Variants in APP observed in about 807,000 individuals in gnomAD.
APP encodes amyloid-beta precursor protein.
Under a neutral mutation model 101.4 loss-of-function variants are expected in APP, and 31 were observed. The ratio of observed to expected loss-of-function variants is 0.31; its 90% confidence interval spans 0.23 to 0.41. APP has a LOEUF of 0.41. Among genes scored for constraint, APP ranks in the 10% least tolerant of loss-of-function variants. The pLI is 1.00. For missense variants in APP, 839 were observed against 1,003.7 expected (o/e 0.84, Z 2.22); for synonymous variants, 366 against 364.4 (o/e 1.00, Z -0.05).
intron 2 of APP, among the ~76,000 whole-genome samples, chr21:26,099,735 A>G (rs1353107527): frequency 6.6e-6 from 1 of 152,252 alleles, no homozygotes; most frequent in African/African-American, 2.4e-5. Flanking sequence ...GAGAAAGAGA[A>G]CTGGAAAACG....
intron 13 of APP, among the ~76,000 whole-genome samples, chr21:25,930,489 T>C (rs1292947213): frequency 1.3e-5 from 2 of 152,180 alleles, no homozygotes; most frequent in Non-Finnish European, 2.9e-5. Context: ...GAAAGGATGA[T>C]TTTCAACATC....
intron 2 of APP, among the ~76,000 whole-genome samples, chr21:26,097,078 C>T (rs2061958876): frequency 1.3e-5 from 2 of 152,174 alleles, no homozygotes; most frequent in Non-Finnish European, 2.9e-5. Flanking sequence ...CCTTTAGTAG[C>T]TTTATGCTCC....
intron 5 of APP, among the ~76,000 whole-genome samples, chr21:26,031,853 T>C (rs1436937493): frequency 1.3e-5 from 2 of 152,172 alleles, no homozygotes; most frequent in Non-Finnish European, 2.9e-5. Flanking sequence ...CAATACCTTG[T>C]CCTGCCCCAG....
chr21:25,976,600 A>G (rs979077697), intron 9 of APP, among the ~76,000 whole-genome samples: 27 of 152,328 alleles, frequency 1.8e-4, no homozygotes, highest in African/African-American at 6.3e-4. Flanking sequence ...AGGCCCTTTG[A>G]GCTTGCCAAC....
At chr21:25,914,622 C>T (rs1485546822) in intron 13 of APP, among the ~76,000 whole-genome samples, 4 of 135,918 alleles carry the variant, frequency 2.9e-5, no homozygotes, top group African/African-American at 1.2e-4. Flanking sequence ...GGCGCAATCT[C>T]GGCTCACTGC....
chr21:26,106,812 T>C (rs1300408546), intron 2 of APP, among the ~76,000 whole-genome samples: 1 of 152,198 alleles, frequency 6.6e-6, no homozygotes, highest in East Asian at 1.9e-4. Flanking sequence ...CTCTAGGTCT[T>C]TCCTCCAGGA....
intron 1 of APP, among the ~76,000 whole-genome samples, chr21:26,129,790 G>C (rs1428196499): frequency 6.6e-6 from 1 of 152,100 alleles, no homozygotes; most frequent in Non-Finnish European, 1.5e-5. Flanking sequence ...ACGAGCACAG[G>C]TTCCTACACT....
At chr21:26,027,356 CCTT>C (rs1439107749) in intron 5 of APP, among the ~76,000 whole-genome samples, 2 of 152,100 alleles carry the variant, frequency 1.3e-5, no homozygotes, top group South Asian at 2.1e-4. Context: ...AGACGGTTCT[CCTT>C]CTCTCTGTCT....
chr21:25,977,467 C>T (rs1186999358), intron 9 of APP, among the ~76,000 whole-genome samples: 1 of 152,164 alleles, frequency 6.6e-6, no homozygotes, highest in Non-Finnish European at 1.5e-5. Context: ...GGAATAGACT[C>T]TTCTAACATA....
At chr21:25,897,950 G>T in intron 15 of APP, 1 of 461,424 alleles carries the variant, frequency 2.2e-6, no homozygotes, top group Non-Finnish European at 3.9e-6. Context: ...GGGAAAAGCA[G>T]AAGTTAAATC....
intron 5 of APP, among the ~76,000 whole-genome samples, chr21:26,028,935 C>G (rs1472577813): frequency 6.6e-6 from 1 of 152,088 alleles, no homozygotes; most frequent in Admixed American, 6.5e-5. Flanking sequence ...GCATTTCAAA[C>G]AGGGTGGTCA....
At chr21:26,126,232 T>C (rs1324513253) in intron 1 of APP, among the ~76,000 whole-genome samples, 1 of 152,234 alleles carries the variant, frequency 6.6e-6, no homozygotes, top group Non-Finnish European at 1.5e-5. Flanking sequence ...ACTGCTGTTG[T>C]TCATAGCATG....
chr21:25,889,736 G>A (rs566027615), intron 17 of APP, among the ~76,000 whole-genome samples: 2 of 152,212 alleles, frequency 1.3e-5, no homozygotes, highest in Admixed American at 1.3e-4. Flanking sequence ...AGTTACTCAG[G>A]AGGCTGAGAG....
chr21:25,973,978 T>G (rs919358605), intron 11 of APP, among the ~76,000 whole-genome samples: 2 of 139,084 alleles, frequency 1.4e-5, no homozygotes, highest in African/African-American at 2.7e-5. Flanking sequence ...CAAGTGGACA[T>G]AAGTTACACA....
intron 5 of APP, among the ~76,000 whole-genome samples, chr21:26,047,606 A>C (rs1219916731): frequency 6.6e-6 from 1 of 152,238 alleles, no homozygotes; most frequent in Non-Finnish European, 1.5e-5. Flanking sequence ...CTGAATCCAA[A>C]CCAATTTTTT....
At chr21:25,897,995 A>G (rs1487899090) in intron 15 of APP, 1 of 379,344 alleles carries the variant, frequency 2.6e-6, no homozygotes, top group Non-Finnish European at 4.9e-6. Flanking sequence ...TGTTCCTGGA[A>G]TATGTTGGCT....
At chr21:26,007,583 T>C (rs4389394) in intron 6 of APP, among the ~76,000 whole-genome samples, 5,964 of 151,510 alleles carry the variant, frequency 0.039, 412 homozygotes, top group African/African-American at 0.13. Context: ...TTTTTTAGCC[T>C]AAGTTATTGC....
At chr21:26,149,324 A>AGG (rs1243677429) in intron 1 of APP, among the ~76,000 whole-genome samples, 1 of 152,228 alleles carries the variant, frequency 6.6e-6, no homozygotes, top group Non-Finnish European at 1.5e-5. Flanking sequence ...GGATAACAGT[A>AGG]GGTACCTCAC....
chr21:25,974,946 C>A, intron 11 of APP, 124 bp downstream of exon 11: 1 of 1,421,084 alleles, frequency 7.0e-7, no homozygotes. Context: ...GGGGTTGAAC[C>A]TCTGAATAAC....
Sources: allele counts gnomAD v4.1 joint callset (sites outside exome capture counted in the v4.1 genomes callset), GRCh38; gene constraint gnomAD v4.1.1; transcripts MANE v1.5; gene names NCBI Gene and HGNC (gene_info 2026-07-23, HGNC 2026-07-21).